The following SPATA16 variants were observed in gnomAD, a reference collection of about 807,000 sequenced individuals.
SPATA16 encodes the protein spermatogenesis-associated protein 16.
SPATA16 carries 36 observed loss-of-function variants against 63.3 expected under a neutral mutation model. The ratio of observed to expected loss-of-function variants is 0.57; its 90% CI spans 0.44 to 0.75. The LOEUF (loss-of-function observed/expected upper bound fraction) is 0.75. Ranked by LOEUF, SPATA16 falls within the 30% of genes least tolerant of loss-of-function variation. The pLI is 0.00. For missense variants in SPATA16, 646 were observed against 679.3 expected (o/e 0.95, Z 0.54); for synonymous variants, 203 against 216.7 (o/e 0.94, Z 0.56).
intron 3 of SPATA16, among the ~76,000 whole-genome samples, chr3:173,024,228 A>G (rs1735401386): frequency 6.6e-6 from 1 of 151,636 alleles, no homozygotes; most frequent in Non-Finnish European, 1.5e-5. Flanking sequence ...TATTTACATC[A>G]TCTGCAAATA....
chr3:172,918,883 C>T (rs921974110), intron 8 of SPATA16, among the ~76,000 whole-genome samples: 4 of 151,930 alleles, frequency 2.6e-5, no homozygotes, highest in Non-Finnish European at 4.4e-5. Context: ...ATAGCAGTTA[C>T]AAATAAATAT....
chr3:172,926,381 C>T (rs948563707), intron 6 of SPATA16, among the ~76,000 whole-genome samples: 7 of 152,142 alleles, frequency 4.6e-5, no homozygotes, highest in African/African-American at 1.7e-4. Flanking sequence ...CTAATATTTA[C>T]TGAGTACTTA....
intron 3 of SPATA16, 96 bp from the exon 4 acceptor site, chr3:173,019,671 A>G (rs1464462919): frequency 2.6e-6 from 3 of 1,137,250 alleles, no homozygotes; most frequent in Non-Finnish European, 4.0e-6. Context: ...TCAATTTTAT[A>G]TACTATGTGT....
At chr3:173,001,211 C>A (rs1449172744) in intron 4 of SPATA16, among the ~76,000 whole-genome samples, 1 of 150,600 alleles carries the variant, frequency 6.6e-6, no homozygotes, top group Admixed American at 6.6e-5. Flanking sequence ...AATTAGGTCT[C>A]AGTCTTTTAG....
At chr3:172,955,620 T>G (rs1026340957) in intron 6 of SPATA16, among the ~76,000 whole-genome samples, 6 of 152,152 alleles carry the variant, frequency 3.9e-5, no homozygotes, top group African/African-American at 1.4e-4. Context: ...GGGATTTATT[T>G]GATATCTTTC....
chr3:173,000,523 TG>T (rs1336193641), intron 4 of SPATA16, among the ~76,000 whole-genome samples: 1 of 152,310 alleles, frequency 6.6e-6, no homozygotes, highest in East Asian at 1.9e-4. Flanking sequence ...GTGTAGTTTT[TG>T]TTTTGCATTT....
intron 5 of SPATA16, among the ~76,000 whole-genome samples, chr3:172,973,005 T>G (rs1407316743): frequency 6.6e-6 from 1 of 152,218 alleles, no homozygotes; most frequent in Non-Finnish European, 1.5e-5. Flanking sequence ...CCATCTGAGA[T>G]ATTGTGTAGT....
chr3:173,052,304 C>G (rs905955885), intron 2 of SPATA16, among the ~76,000 whole-genome samples: 2 of 152,088 alleles, frequency 1.3e-5, no homozygotes, highest in Non-Finnish European at 2.9e-5. Context: ...TAAAAATGAT[C>G]TATCTTAACA....
At chr3:172,975,501 C>A (rs922859706) in intron 5 of SPATA16, among the ~76,000 whole-genome samples, 1 of 151,504 alleles carries the variant, frequency 6.6e-6, no homozygotes, top group African/African-American at 2.4e-5. Flanking sequence ...CTCTGAAATC[C>A]TTATAAAAAA....
chr3:173,123,128 C>T (rs892792491), intron 1 of SPATA16, among the ~76,000 whole-genome samples: 37 of 152,112 alleles, frequency 2.4e-4, no homozygotes, highest in African/African-American at 8.7e-4. Context: ...GAAATTTGCC[C>T]TACAATGTAT....
chr3:173,124,008 A>G (rs1476496094), intron 1 of SPATA16, among the ~76,000 whole-genome samples: 3 of 152,222 alleles, frequency 2.0e-5, no homozygotes, highest in Admixed American at 1.3e-4. Context: ...TGATGTGGAC[A>G]TAAAACTTCT....
At position 173,089,495 on chromosome 3, in the gene SPATA16, G is replaced by T. The variant is rs573946992; in HGVS notation, c.612+27625C>A. The stretch of plus-strand genomic sequence containing the variant: ...AACAGCTGTAATGGAGTGCATGATT[G>T]CCTGTTATCAGTGACAGCAGTCAGT... On this transcript the variant is annotated intron_variant, in intron 2 of 10. Coordinates refer to ENST00000351008, the MANE Select transcript of SPATA16 (RefSeq NM_031955.6). Among the ~76,000 whole-genome samples the T allele has an allele frequency of 2.0e-5, 3 of 152,276 alleles. 1 individual carries two copies. In the East Asian group the frequency reaches 5.8e-4, roughly 29 times the overall value.
chr3:172,929,126 C>A (rs1380784399), intron 6 of SPATA16, among the ~76,000 whole-genome samples: 3 of 152,150 alleles, frequency 2.0e-5, no homozygotes, highest in Non-Finnish European at 2.9e-5. Context: ...CTTCTTTGCT[C>A]CTGTCATGTC....
intron 6 of SPATA16, among the ~76,000 whole-genome samples, chr3:172,934,533 C>G (rs547066048): frequency 4.6e-5 from 7 of 152,128 alleles, no homozygotes; most frequent in Non-Finnish European, 8.8e-5. Context: ...CAGAAAAGCA[C>G]AGTGATTTCC....
At chr3:173,119,731 C>T (rs2108338969) in intron 1 of SPATA16, among the ~76,000 whole-genome samples, 1 of 137,184 alleles carries the variant, frequency 7.3e-6, no homozygotes, top group Non-Finnish European at 1.7e-5. Context: ...GCCCCACCAA[C>T]AGCTCCACTT....
At chr3:173,029,406 G>A (rs1206369995) in intron 3 of SPATA16, among the ~76,000 whole-genome samples, 1 of 139,852 alleles carries the variant, frequency 7.2e-6, no homozygotes, top group Non-Finnish European at 1.5e-5. Flanking sequence ...AGTAATCAGA[G>A]TTTTTTTTTT....
intron 3 of SPATA16, among the ~76,000 whole-genome samples, chr3:173,027,495 C>T (rs2108281302): frequency 6.6e-6 from 1 of 151,998 alleles, no homozygotes; most frequent in Admixed American, 6.6e-5. Context: ...CCTCAGAATT[C>T]TCTAAGCTTC....
At chr3:173,028,086 T>C (rs537828777) in intron 3 of SPATA16, among the ~76,000 whole-genome samples, 133 of 136,656 alleles carry the variant, frequency 9.7e-4, no homozygotes, top group African/African-American at 3.3e-3. Context: ...TTTCTCTCTC[T>C]CTCTTTCTTT....
intron 6 of SPATA16, among the ~76,000 whole-genome samples, chr3:172,930,769 G>T (rs545278256): frequency 6.6e-6 from 1 of 151,922 alleles, no homozygotes; most frequent in Admixed American, 6.6e-5. Flanking sequence ...AGCCAGGATG[G>T]TCTCCATCTC....
Sources: gnomAD v4.1 joint callset for allele counts (sites outside exome capture counted in the v4.1 genomes callset) on GRCh38, gnomAD v4.1.1 for gene constraint, MANE v1.5 for transcripts, NCBI Gene and HGNC (gene_info 2026-07-23, HGNC 2026-07-21) for gene names.